The following C12orf42 variants were observed in gnomAD, a reference collection of about 807,000 sequenced individuals.
C12orf42 encodes the protein chromosome 12 open reading frame 42.
In C12orf42, 25 loss-of-function variants were observed where a neutral mutation model predicts 21.6. The observed-to-expected ratio is 1.16, with a 90% CI of 0.84 to 1.62. The LOEUF is 1.62. C12orf42 is among the 40% of genes most tolerant of loss of function. The pLI is 0.00. For synonymous variants in C12orf42, 174 were observed against 175.0 expected (o/e 0.99, Z 0.05); for missense variants, 483 against 459.3 (o/e 1.05, Z -0.47).
upstream of C12orf42, among the ~76,000 whole-genome samples, chr12:103,496,539 C>T (rs1274284251): frequency 6.6e-6 from 1 of 152,232 alleles, no homozygotes; most frequent in African/African-American, 2.4e-5. Context: ...AGGTCGTTCT[C>T]ATCTGCCTGA....
chr12:103,404,823 TAAC>T (rs930797341), intron 2 of C12orf42, among the ~76,000 whole-genome samples: 2 of 152,224 alleles, frequency 1.3e-5, no homozygotes, highest in African/African-American at 2.4e-5. Flanking sequence ...AAGCCTTTTG[TAAC>T]AACAATGATG....
upstream of C12orf42, among the ~76,000 whole-genome samples, chr12:103,500,720 T>C (rs1329657271): frequency 2.0e-5 from 3 of 152,208 alleles, no homozygotes; most frequent in Non-Finnish European, 4.4e-5. Context: ...GCCAATAATA[T>C]TGGATGCCAG....
chr12:103,407,120 C>T (rs900208389), intron 2 of C12orf42, among the ~76,000 whole-genome samples: 2 of 152,092 alleles, frequency 1.3e-5, no homozygotes, highest in Non-Finnish European at 2.9e-5. Context: ...GTTGCGATTC[C>T]AAGGTGAGCC....
At chr12:103,060,913 G>A in the C12orf42 span, among the ~76,000 whole-genome samples, 22 of 152,238 alleles carry the variant, frequency 1.4e-4, no homozygotes, top group African/African-American at 5.1e-4. Context: ...ATAGGCTTGG[G>A]CAAAGACTTC....
the C12orf42 span, among the ~76,000 whole-genome samples, chr12:103,137,692 T>A: frequency 1.3e-5 from 2 of 152,164 alleles, no homozygotes; most frequent in South Asian, 4.1e-4. Context: ...TAGTCATCCA[T>A]AAAACATAGA....
At chr12:103,151,777 A>G in the C12orf42 span, 1 of 152,210 alleles carries the variant, frequency 6.6e-6, no homozygotes. Context: ...GCAGAATTCT[A>G]TGATCTCCAA....
intron 4 of C12orf42, among the ~76,000 whole-genome samples, chr12:103,311,313 T>C (rs2038952727): frequency 6.6e-6 from 1 of 151,764 alleles, no homozygotes; most frequent in Non-Finnish European, 1.5e-5. Context: ...TCAATCAATA[T>C]TTATAGTTTC....
intron 4 of C12orf42, among the ~76,000 whole-genome samples, chr12:103,317,889 A>G (rs2039675033): frequency 6.6e-6 from 1 of 152,272 alleles, no homozygotes; most frequent in Non-Finnish European, 1.5e-5. Context: ...ATATACAAAA[A>G]GAAAATAAAT....
rs545536315 is a variant in C12orf42 at position 103,414,529 on chromosome 12, G to A, written c.79-12854C>T. 3.1e-4 allele frequency among the ~76,000 whole-genome samples: 47 copies of A among 152,200 alleles called. 1 individual carries two copies. The highest frequency in any genetic ancestry group is 3.4e-3 in the Middle Eastern group (1 of 294). On this transcript the variant is annotated intron_variant, in intron 2 of 5. Coordinates refer to ENST00000548883, the MANE Select transcript of C12orf42 (RefSeq NM_198521.5). ...TTGATTCTTTCAATCTATGAGCATG[G>A]AATATTTCCTCATTTATTTGTGTTG...
the C12orf42 span, among the ~76,000 whole-genome samples, chr12:103,078,581 T>C: frequency 2.0e-5 from 3 of 152,226 alleles, no homozygotes; most frequent in African/African-American, 7.2e-5. Context: ...GTATGATGGC[T>C]GAATGGACTA....
chr12:103,078,035 CA>C, the C12orf42 span, among the ~76,000 whole-genome samples: 3 of 151,752 alleles, frequency 2.0e-5, no homozygotes, highest in South Asian at 2.1e-4. Context: ...GGATTAAGGC[CA>C]AAAAAAATCT....
chr12:103,262,698 G>C (rs2034957614), intron 10 of C12orf42, among the ~76,000 whole-genome samples: 1 of 152,200 alleles, frequency 6.6e-6, no homozygotes, highest in African/African-American at 2.4e-5. Context: ...CTTTTACACT[G>C]TTGGTGGGAG....
At chr12:103,275,720 A>C (rs2035727098) in intron 5 of C12orf42, among the ~76,000 whole-genome samples, 1 of 152,006 alleles carries the variant, frequency 6.6e-6, no homozygotes, top group South Asian at 2.1e-4. Context: ...AATATTGATC[A>C]AGTATTATGA....
the C12orf42 span, among the ~76,000 whole-genome samples, chr12:103,063,049 A>C: frequency 6.6e-6 from 1 of 152,098 alleles, no homozygotes; most frequent in African/African-American, 2.4e-5. Flanking sequence ...TACATTTGGC[A>C]CTCCTGAAAC....
chr12:103,382,208 C>T, intron 3 of C12orf42, among the ~76,000 whole-genome samples: 1 of 152,030 alleles, frequency 6.6e-6, no homozygotes, highest in East Asian at 1.9e-4. Flanking sequence ...ATTAGTAATT[C>T]TCTTTCTACT....
chr12:103,474,454 A>ATGTGTG lies in C12orf42; in HGVS notation c.78+3889_78+3894dup, dbSNP rs371887251. 5.2e-3 allele frequency among the ~76,000 whole-genome samples: 776 copies of ATGTGTG among 149,372 alleles called. 9 individuals are homozygous for ATGTGTG. Among genetic ancestry groups the ATGTGTG allele is most frequent in the African/African-American group, 0.018 (725 of 40,620 alleles). ...TATGTATGTATACATGTATGTATGT[A>ATGTGTG]TGTGTGTGTGTGTGTGTGTGTGTGT... On this transcript the variant is annotated intron_variant, in intron 2 of 5. Transcript: ENST00000548883.
At chr12:103,444,787 C>T (rs966068666) in intron 2 of C12orf42, among the ~76,000 whole-genome samples, 1 of 151,920 alleles carries the variant, frequency 6.6e-6, no homozygotes, top group Admixed American at 6.6e-5. Context: ...GACTGTCATA[C>T]CTTCTTTAGT....
At chr12:103,552,032 C>CT in the C12orf42 span, among the ~76,000 whole-genome samples, 363 of 148,898 alleles carry the variant, frequency 2.4e-3, 1 homozygote, top group East Asian at 9.8e-4. Context: ...ATATGTTGAC[C>CT]TTTTTTTTTT....
At chr12:103,284,805 C>T (rs939159983) in intron 4 of C12orf42, among the ~76,000 whole-genome samples, 2 of 152,130 alleles carry the variant, frequency 1.3e-5, no homozygotes, top group African/African-American at 4.8e-5. Flanking sequence ...AATCCTTTTG[C>T]TTTCGTGGGC....
Sources: allele counts gnomAD v4.1 joint callset (sites outside exome capture counted in the v4.1 genomes callset), GRCh38; gene constraint gnomAD v4.1.1; transcripts MANE v1.5; gene names NCBI Gene and HGNC (gene_info 2026-07-23, HGNC 2026-07-21).